DOCK1: variants seen among roughly 807,000 people sequenced by gnomAD.
DOCK1 encodes dedicator of cytokinesis protein 1.
In DOCK1, 138 loss-of-function variants were observed where a neutral mutation model predicts 262.7. The ratio of observed to expected loss-of-function variants is 0.53; its 90% CI spans 0.46 to 0.61. The LOEUF (loss-of-function observed/expected upper bound fraction) is 0.61. Among genes scored for constraint, DOCK1 ranks in the 20% least tolerant of loss-of-function variants. The pLI is 0.00. For synonymous variants in DOCK1, 866 were observed against 867.4 expected (o/e 1.00, Z 0.03); for missense variants, 1,908 against 2,370.7 (o/e 0.80, Z 4.05).
chr10:127,189,705 A>G (rs1455051407), intron 27 of DOCK1, among the ~76,000 whole-genome samples: 2 of 152,196 alleles, frequency 1.3e-5, no homozygotes, highest in African/African-American at 4.8e-5. Context: ...AGTGAACAGC[A>G]TATTTTCAGC....
chr10:127,139,279 T>C (rs2050998316), intron 27 of DOCK1, among the ~76,000 whole-genome samples: 1 of 152,172 alleles, frequency 6.6e-6, no homozygotes, highest in African/African-American at 2.4e-5. Context: ...ACAGCCAAGC[T>C]ATATTATCTG....
intron 28 of DOCK1, among the ~76,000 whole-genome samples, chr10:127,253,023 C>A (rs917866312): frequency 1.3e-5 from 2 of 152,076 alleles, no homozygotes; most frequent in East Asian, 1.9e-4. Flanking sequence ...AGAGCACAAG[C>A]GGAATGACTG....
intron 12 of DOCK1, among the ~76,000 whole-genome samples, chr10:127,018,126 G>A (rs1036056075): frequency 1.3e-5 from 2 of 152,162 alleles, no homozygotes; most frequent in African/African-American, 2.4e-5. Flanking sequence ...TTTCTTTTGC[G>A]GTGGCACTGT....
intron 27 of DOCK1, among the ~76,000 whole-genome samples, chr10:127,227,008 C>T (rs1275459062): frequency 1.3e-5 from 2 of 152,134 alleles, no homozygotes; most frequent in Admixed American, 1.3e-4. Context: ...GTATTTTCTT[C>T]CATGCCCCAA....
intron 16 of DOCK1, among the ~76,000 whole-genome samples, chr10:127,026,683 T>A (rs566061059): frequency 6.6e-6 from 1 of 152,348 alleles, no homozygotes; most frequent in African/African-American, 2.4e-5. Context: ...GTCTTCCGTG[T>A]TGACTTGCCA....
chr10:127,202,539 C>T (rs140773237), intron 27 of DOCK1, among the ~76,000 whole-genome samples: 3 of 152,254 alleles, frequency 2.0e-5, no homozygotes, highest in African/African-American at 7.2e-5. Context: ...GTTTGCCCTC[C>T]ATCCCCACCT....
intron 32 of DOCK1, among the ~76,000 whole-genome samples, chr10:127,359,046 A>G (rs1222963559): frequency 6.6e-6 from 1 of 152,044 alleles, no homozygotes; most frequent in Middle Eastern, 3.2e-3. Flanking sequence ...TTAAGTCTAC[A>G]CTGCAGGAGT....
At chr10:127,236,175 A>G (rs2059042239) in intron 27 of DOCK1, among the ~76,000 whole-genome samples, 1 of 152,130 alleles carries the variant, frequency 6.6e-6, no homozygotes, top group Non-Finnish European at 1.5e-5. Flanking sequence ...TTTGTATCCT[A>G]AGAAATATAT....
intron 27 of DOCK1, among the ~76,000 whole-genome samples, chr10:127,242,349 C>G (rs1270402228): frequency 6.6e-6 from 1 of 152,076 alleles, no homozygotes; most frequent in African/African-American, 2.4e-5. Context: ...TTTTTGGACT[C>G]CCTGTTTTTC....
intron 40 of DOCK1, among the ~76,000 whole-genome samples, chr10:127,407,154 A>T (rs2067563831): frequency 6.6e-6 from 1 of 152,110 alleles, no homozygotes; most frequent in African/African-American, 2.4e-5. Flanking sequence ...ATTTAGGAGA[A>T]CTCAGAATAA....
intron 2 of DOCK1, among the ~76,000 whole-genome samples, chr10:126,974,521 A>G (rs1434266798): frequency 1.3e-5 from 2 of 152,074 alleles, no homozygotes; most frequent in Non-Finnish European, 2.9e-5. Context: ...CGTGGAGGCC[A>G]CTTGCAAGCC....
chr10:127,426,801 A>G (rs1219995121), intron 47 of DOCK1, among the ~76,000 whole-genome samples: 1 of 152,178 alleles, frequency 6.6e-6, no homozygotes, highest in Non-Finnish European at 1.5e-5. Flanking sequence ...GAGCTTTTGC[A>G]ATGAGTTTAT....
At chr10:127,232,104 G>A (rs185196587) in intron 27 of DOCK1, among the ~76,000 whole-genome samples, 20 of 152,118 alleles carry the variant, frequency 1.3e-4, no homozygotes, top group African/African-American at 4.3e-4. Context: ...GAAGCGTTCC[G>A]TAGAGGGTAC....
At chr10:127,345,468 C>T (rs758253669) in intron 31 of DOCK1, among the ~76,000 whole-genome samples, 11 of 152,150 alleles carry the variant, frequency 7.2e-5, no homozygotes, top group African/African-American at 9.7e-5. Flanking sequence ...TTAGAACCTT[C>T]GAGCTTTTGG....
intron 27 of DOCK1, among the ~76,000 whole-genome samples, chr10:127,186,836 G>A (rs1298861233): frequency 4.6e-5 from 7 of 151,972 alleles, no homozygotes; most frequent in African/African-American, 1.2e-4. Flanking sequence ...ACGGTGAGTC[G>A]AGAGAAATGC....
At chr10:127,183,022 A>G (rs2055880427) in intron 27 of DOCK1, among the ~76,000 whole-genome samples, 1 of 150,338 alleles carries the variant, frequency 6.7e-6, no homozygotes, top group Non-Finnish European at 1.5e-5. Context: ...ACAAAGATAC[A>G]TACTAGAATG....
intron 29 of DOCK1, among the ~76,000 whole-genome samples, chr10:127,270,995 GTGTA>G (rs1056692755): frequency 4.8e-4 from 35 of 72,206 alleles, no homozygotes; most frequent in East Asian, 3.4e-3. Flanking sequence ...TTATATATGT[GTGTA>G]TGTGTGTGTG....
At chr10:127,045,588 T>G (rs1015077061) in intron 21 of DOCK1, among the ~76,000 whole-genome samples, 7 of 152,188 alleles carry the variant, frequency 4.6e-5, no homozygotes, top group Non-Finnish European at 1.0e-4. Flanking sequence ...GTTGAGATCT[T>G]TAGCCCTTCT....
At chr10:126,923,668 A>C (rs1251508985) in intron 1 of DOCK1, among the ~76,000 whole-genome samples, 1 of 152,198 alleles carries the variant, frequency 6.6e-6, no homozygotes, top group African/African-American at 2.4e-5. Context: ...TTCTCCAAGC[A>C]ATCTGCCACG....
Sources: allele counts gnomAD v4.1 joint callset (sites outside exome capture counted in the v4.1 genomes callset), GRCh38; gene constraint gnomAD v4.1.1; transcripts MANE v1.5; gene names NCBI Gene and HGNC (gene_info 2026-07-23, HGNC 2026-07-21).